The following DCAF8L2 variants were observed in gnomAD, a reference collection of about 807,000 sequenced individuals.
The protein encoded by DCAF8L2 is DDB1 and CUL4 associated factor 8 like 2, also known as DDB1- and CUL4-associated factor 8-like protein 2.
For synonymous variants in DCAF8L2, 200 were observed against 190.9 expected, an observed-to-expected ratio of 1.05 and a Z score of -0.39; for missense variants, 430 against 490.7, an observed-to-expected ratio of 0.88 and a Z score of 1.17.
chrX:27,539,123 A>G, the DCAF8L2 span, among the ~76,000 whole-genome samples: 1 of 112,273 alleles, frequency 8.9e-6, no homozygotes, highest in Non-Finnish European at 1.9e-5. Flanking sequence ...TACTAGGATT[A>G]CAGGCATGAG....
At chrX:27,564,328 C>T in the DCAF8L2 span, among the ~76,000 whole-genome samples, 2 of 111,137 alleles carry the variant, frequency 1.8e-5, no homozygotes, top group African/African-American at 3.3e-5. Flanking sequence ...TCCCACAACA[C>T]GTGAGGATTA....
chrX:27,512,801 A>AAAC, the DCAF8L2 span, among the ~76,000 whole-genome samples: 9,929 of 88,357 alleles, frequency 0.11, 594 homozygotes, highest in East Asian at 0.28. Context: ...AAAAAAAAAA[A>AAAC]AAAAAAAAAC....
chrX:27,658,892 T>C (rs1161176458), intron 2 of DCAF8L2, among the ~76,000 whole-genome samples: 1 of 93,714 alleles, frequency 1.1e-5, no homozygotes, highest in Non-Finnish European at 2.0e-5. Context: ...TGAAAACATT[T>C]AATTCTAACC....
At position 27,748,503 on chromosome X, in the gene DCAF8L2, T is replaced by C; in HGVS notation, c.1608T>C (p.Asp536=). 2.5e-6 allele frequency: 3 copies of C among 1,210,107 alleles called. No homozygotes were observed. Among genetic ancestry groups the C allele is most frequent in the Non-Finnish European group, 3.4e-6 (3 of 894,091 alleles). ...TGGCGTGCAGTGGCCTAGATCATGA[T>C]GTCAAGATCTGGACACCCACAGCTA... ...PVLACSGLDH[D]VKIWTPTAKA... is the part of the protein sequence containing the mutation. The change falls in exon 5 of 5, where the codon GAT becomes GAC. Residue 536 remains aspartate, a synonymous_variant. Transcript: ENST00000451261.
chrX:27,526,495 T>C, the DCAF8L2 span, among the ~76,000 whole-genome samples: 1 of 112,657 alleles, frequency 8.9e-6, no homozygotes, highest in South Asian at 3.6e-4. Flanking sequence ...TCGGAGAAGT[T>C]TGATCGTCTG....
chrX:27,730,855 T>C (rs1163686802), intron 4 of DCAF8L2, among the ~76,000 whole-genome samples: 1 of 111,884 alleles, frequency 8.9e-6, no homozygotes, highest in Non-Finnish European at 1.9e-5. Context: ...ATGTAAACCT[T>C]TGTTTTGGGG....
At chrX:27,562,565 G>A in the DCAF8L2 span, among the ~76,000 whole-genome samples, 4 of 112,235 alleles carry the variant, frequency 3.6e-5, no homozygotes, top group Non-Finnish European at 7.5e-5. Flanking sequence ...TATTTATTAG[G>A]AATCAACCTC....
chrX:27,552,082 G>A, the DCAF8L2 span, among the ~76,000 whole-genome samples: 1 of 111,299 alleles, frequency 9.0e-6, no homozygotes, highest in African/African-American at 3.3e-5. Flanking sequence ...TTTCCCTGAC[G>A]ATTAGTGATG....
At chrX:27,564,126 T>G in the DCAF8L2 span, among the ~76,000 whole-genome samples, 3 of 111,807 alleles carry the variant, frequency 2.7e-5, no homozygotes, top group Non-Finnish European at 5.6e-5. Context: ...TGCGGAGGCT[T>G]TGGGAAACCT....
At chrX:27,557,418 C>G in the DCAF8L2 span, among the ~76,000 whole-genome samples, 1 of 111,790 alleles carries the variant, frequency 8.9e-6, no homozygotes, top group Non-Finnish European at 1.9e-5. Flanking sequence ...AGGAGACTAT[C>G]TCACCAAATG....
chrX:27,562,644 C>T, the DCAF8L2 span, among the ~76,000 whole-genome samples: 1 of 112,150 alleles, frequency 8.9e-6, no homozygotes, highest in African/African-American at 3.2e-5. Flanking sequence ...GGCCTGACAG[C>T]ATTCTCCAAC....
At chrX:27,620,505 A>G (rs1291838471) in intron 1 of DCAF8L2, among the ~76,000 whole-genome samples, 1 of 112,127 alleles carries the variant, frequency 8.9e-6, no homozygotes, top group African/African-American at 3.2e-5. Context: ...GAAAATGTGC[A>G]AAGGGATGAA....
chrX:27,487,967 G>A, the DCAF8L2 span, among the ~76,000 whole-genome samples: 1 of 112,138 alleles, frequency 8.9e-6, no homozygotes, highest in African/African-American at 3.2e-5. Flanking sequence ...GAATAAAGCT[G>A]CTATAAAACT....
chrX:27,648,428 A>G (rs1225146884), intron 2 of DCAF8L2, among the ~76,000 whole-genome samples: 1 of 108,825 alleles, frequency 9.2e-6, no homozygotes, highest in Non-Finnish European at 1.9e-5. Flanking sequence ...GGCAGGGAGA[A>G]AAGAGAATAG....
the DCAF8L2 span, among the ~76,000 whole-genome samples, chrX:27,548,296 G>A: frequency 9.0e-6 from 1 of 111,248 alleles, no homozygotes; most frequent in Non-Finnish European, 1.9e-5. Context: ...GTAATAAAGA[G>A]TTTTTTGAGG....
At chrX:27,621,934 A>C (rs766373615) in intron 1 of DCAF8L2, among the ~76,000 whole-genome samples, 1 of 110,609 alleles carries the variant, frequency 9.0e-6, no homozygotes, top group Non-Finnish European at 1.9e-5. Context: ...TCAAGGCTGC[A>C]GTGAGCTGAG....
Position 27,631,701 on chromosome X carries a change from A to G in DCAF8L2, c.-341-178A>G, listed in dbSNP as rs150047842. Reference sequence around the variant, plus strand: ...AAAGTAGGACAATTTTGTAGCACTGAGAATGTGACTCCTTCCTACTAATCA... The same window carrying G: ...AAAGTAGGACAATTTTGTAGCACTGGGAATGTGACTCCTTCCTACTAATCA... On this transcript the variant is annotated intron_variant, in intron 1 of 4. Transcript: ENST00000451261. 8.4e-3 allele frequency among the ~76,000 whole-genome samples: 942 copies of G among 112,219 alleles called. 9 individuals carry two copies. Among genetic ancestry groups the G allele is most frequent in the African/African-American group, 0.029 (895 of 30,883 alleles).
At chrX:27,522,529 T>C in the DCAF8L2 span, among the ~76,000 whole-genome samples, 1 of 111,813 alleles carries the variant, frequency 8.9e-6, no homozygotes. Flanking sequence ...TATAGGCAAA[T>C]GTTGGGCAGC....
At chrX:27,716,314 C>T (rs1931701032) in intron 4 of DCAF8L2, 143 bp downstream of exon 4, 1 of 112,072 alleles carries the variant, frequency 8.9e-6, no homozygotes, top group Non-Finnish European at 1.9e-5. Context: ...AAGAATCTAA[C>T]TAAAATGTAA....
Sources: allele counts gnomAD v4.1 joint callset (sites outside exome capture counted in the v4.1 genomes callset), GRCh38; gene constraint gnomAD v4.1.1; transcripts MANE v1.5; gene names NCBI Gene and HGNC (gene_info 2026-07-23, HGNC 2026-07-21).